The following PLK4 variants were observed in gnomAD, a reference collection of about 807,000 sequenced individuals.
The protein encoded by PLK4 is serine/threonine-protein kinase PLK4.
A neutral mutation model predicts 103.0 loss-of-function variants in PLK4; 51 were observed. That is an observed-to-expected ratio of 0.50 (90% confidence interval 0.40 to 0.63). The LOEUF (loss-of-function observed/expected upper bound fraction) is 0.63. Among genes scored for constraint, PLK4 ranks in the 20% least tolerant of loss-of-function variants. The probability of loss-of-function intolerance (pLI) is 0.00; values close to 1 mark genes in which losing one functional copy is unlikely to be tolerated. For synonymous variants in PLK4, 389 were observed against 376.8 expected (o/e 1.03, Z -0.38); for missense variants, 1,054 against 1,151.0 (o/e 0.92, Z 1.22).
At position 127,880,924 on chromosome 4, in the gene PLK4, G is replaced by A. The variant is rs867443936; in HGVS notation, c.-211G>A. 1 of 593,242 alleles carries A rather than the reference G, an allele frequency of 1.7e-6. No homozygotes were observed. Among genetic ancestry groups the A allele is most frequent in the Non-Finnish European group, 3.0e-6 (1 of 334,400 alleles). 36.7% of individuals were successfully genotyped at this position (593,242 alleles called of 1,614,324 possible). ...AGCCTAGCTCGGACGGCAAGCGGCG[G>A]GAGATTTTCAAAATGGGAGCCCAGA... On this transcript the variant is annotated 5_prime_UTR_variant, in exon 1 of 16. Transcript: ENST00000270861.
intron 6 of PLK4, 109 bp from the exon 7 acceptor site, chr4:127,889,757 C>G (rs1284590227): frequency 3.9e-6 from 3 of 772,614 alleles, no homozygotes; most frequent in South Asian, 4.4e-5. Context: ...TTTTTTGTAA[C>G]TAGAATTCTT....
At chr4:127,891,405 T>C (rs1392483145) in intron 8 of PLK4, among the ~76,000 whole-genome samples, 174 bp from the exon 9 acceptor site, 2 of 151,894 alleles carry the variant, frequency 1.3e-5, no homozygotes, top group Non-Finnish European at 2.9e-5. Flanking sequence ...AGTAAGAAAA[T>C]CTAAACTTTT....
At position 127,885,754 on chromosome 4, in the gene PLK4, T is replaced by C. The variant is rs1735098159; in HGVS notation, c.384T>C (p.His128=). 1.1e-5 allele frequency: 17 copies of C among 1,613,296 alleles called. No homozygotes were observed. Among genetic ancestry groups the C allele is most frequent in the Non-Finnish European group, 1.4e-5 (16 of 1,179,430 alleles). ...HQIITGMLYL[H]SHGILHRDLT... ...TCATCACAGGGATGTTGTATCTTCA[T>C]TCTCATGGTATACTACACCGGGACC... Residue 128 remains histidine, a synonymous_variant, in exon 5 of 16, where the codon CAT becomes CAC. Coordinates refer to ENST00000270861, the MANE Select transcript of PLK4 (RefSeq NM_014264.5).
At chr4:127,895,699 G>A (rs896369663) in intron 14 of PLK4, among the ~76,000 whole-genome samples, 37 of 151,934 alleles carry the variant, frequency 2.4e-4, no homozygotes, top group African/African-American at 8.5e-4. Context: ...GAGATTACAG[G>A]CGTGAGCCAC....
Position 127,886,336 on chromosome 4 carries a change from G to T in PLK4, c.966G>T (p.Met322Ile). The change falls in exon 5 of 16, where the codon ATG (methionine) becomes ATT (isoleucine). Residue 322 changes from methionine (M) to isoleucine (I), a missense_variant. Met to Ile is a conservative substitution (Grantham distance 10, BLOSUM62 1). Transcript: ENST00000270861. ...LLIGQPLPNK[M>I]TVFPKNKSST... is the part of the protein sequence containing the mutation. ...TTGGTCAGCCACTCCCAAATAAAATGACTGTATTTCCAAAGAATAAAAGTT... is the reference window on the plus strand; with the variant it reads ...TTGGTCAGCCACTCCCAAATAAAATTACTGTATTTCCAAAGAATAAAAGTT... The T allele has an allele frequency of 6.2e-7, 1 of 1,613,636 alleles. No individual in the cohort carries two copies. Among genetic ancestry groups the T allele is most frequent in the South Asian group, 1.1e-5 (1 of 90,948 alleles).
Position 127,886,090 on chromosome 4 carries a change from C to T in PLK4, c.720C>T (p.Asp240=), listed in dbSNP as rs772322389. Reference sequence around the variant, plus strand: ...CTTTTTTGTCAATAGAGGCCAAGGACCTTATTCACCAGTTACTTCGTAGAA... The same window carrying T: ...CTTTTTTGTCAATAGAGGCCAAGGATCTTATTCACCAGTTACTTCGTAGAA... The part of the protein sequence containing the change: ...MPSFLSIEAK[D]LIHQLLRRNP... The change falls in exon 5 of 16, where the codon GAC becomes GAT. Residue 240 remains aspartate (D), a synonymous_variant. Coordinates refer to ENST00000270861, the MANE Select transcript of PLK4 (RefSeq NM_014264.5). 3 of 1,614,048 alleles carry T rather than the reference C, an allele frequency of 1.9e-6. No homozygotes were observed. Among genetic ancestry groups the T allele is most frequent in the South Asian group, 1.1e-5 (1 of 91,088 alleles).
chr4:127,889,603 A>G (rs1735271797), intron 6 of PLK4, among the ~76,000 whole-genome samples: 1 of 152,210 alleles, frequency 6.6e-6, no homozygotes, highest in African/African-American at 2.4e-5. Flanking sequence ...CCTTAATTGA[A>G]AAATTAATTT....
intron 6 of PLK4, among the ~76,000 whole-genome samples, chr4:127,888,242 G>C (rs1317279505): frequency 8.1e-6 from 1 of 123,268 alleles, no homozygotes; most frequent in African/African-American, 3.0e-5. Flanking sequence ...ATAAAGCTCT[G>C]TTACAATATT....
chr4:127,892,836 A>G (rs1251499419), intron 10 of PLK4: 1 of 211,074 alleles, frequency 4.7e-6, no homozygotes, highest in Non-Finnish European at 9.3e-6. Flanking sequence ...TTAAATGGAC[A>G]TATACCAAAT....
intron 4 of PLK4, 76 bp from the exon 5 acceptor site, chr4:127,885,632 A>C: frequency 2.7e-6 from 3 of 1,131,366 alleles, no homozygotes; most frequent in South Asian, 3.0e-5. Context: ...TGGGTTTCAT[A>C]ATGTATACTA....
chr4:127,886,552 T>TACAATGGA lies in PLK4; in HGVS notation c.1185_1192dup (p.Arg398GlnfsTer91). 6.2e-7 allele frequency: 1 copy of TACAATGGA among 1,614,010 alleles called. No homozygotes were observed. The highest frequency in any genetic ancestry group is 8.5e-7 in the Non-Finnish European group (1 of 1,179,966). The stretch of plus-strand genomic sequence containing the variant: ...ATAGTCAGTCTCAAGCAAAAACATA[T>TACAATGGA]ACAATGGAACGATGTCACTCAGCAG... On this transcript the variant is annotated frameshift_variant, in exon 5 of 16. Transcript: ENST00000270861. LOFTEE classifies it high-confidence loss of function.
At chr4:127,891,290 T>A (rs1735349065) in intron 8 of PLK4, 94 bp downstream of exon 8, 4 of 629,734 alleles carry the variant, frequency 6.4e-6, no homozygotes, top group South Asian at 5.9e-5. Flanking sequence ...TAAGTTTTTT[T>A]AAAATCAGTT....
At position 127,881,882 on chromosome 4, in the gene PLK4, A is replaced by C. The variant is rs1734945125; in HGVS notation, c.82A>C (p.Arg28=). The change falls in exon 2 of 16, where the codon AGA becomes CGA. Residue 28 remains arginine (R), a synonymous_variant. Transcript: ENST00000270861. ...TAAAGGATCATTTGCTGGTGTCTAC[A>C]GAGCTGAGTCCATTCACACTGGTTT... is the stretch of plus-strand genomic sequence containing the variant. ...LGKGSFAGVY[R]AESIHTGLEV... is the part of the protein sequence containing the mutation. 1 of 1,610,240 alleles carries C rather than the reference A, an allele frequency of 6.2e-7. No homozygotes were observed. Among genetic ancestry groups the C allele is most frequent in the African/African-American group, 1.3e-5 (1 of 74,948 alleles).
chr4:127,890,953 C>T, intron 7 of PLK4, 139 bp from the exon 8 acceptor site: 1 of 516,138 alleles, frequency 1.9e-6, no homozygotes, highest in Non-Finnish European at 3.4e-6. Context: ...CTGATCTGGA[C>T]TGTTGTAGTG....
In PLK4 at chr4:127,881,336, C is replaced by T. The variant is rs1032762914; in HGVS notation, c.30+172C>T. 3.4e-6 allele frequency: 5 copies of T among 1,466,652 alleles called. No homozygotes were observed. The African/African-American group carries it at 4.2e-5, about 12-fold the overall frequency. The allele number at this position is 1,466,652 out of a possible 1,614,324, so 90.9% of individuals were successfully genotyped here. On this transcript the variant is annotated intron_variant, in intron 1 of 15. Coordinates refer to ENST00000270861, the MANE Select transcript of PLK4 (RefSeq NM_014264.5). ...TGCTGTTTAGGGGCGGAGCGGCCCGCCCCTCAAGAGACAAGAGTAGGGAAG... is the reference window on the plus strand; with the variant it reads ...TGCTGTTTAGGGGCGGAGCGGCCCGTCCCTCAAGAGACAAGAGTAGGGAAG...
intron 15 of PLK4, among the ~76,000 whole-genome samples, 198 bp downstream of exon 15, chr4:127,897,105 A>G (rs927907600): frequency 6.6e-6 from 1 of 152,208 alleles, no homozygotes; most frequent in Non-Finnish European, 1.5e-5. Context: ...AACTCAGGGC[A>G]ATTGGTATAA....
intron 9 of PLK4, 80 bp from the exon 10 acceptor site, chr4:127,892,285 T>C: frequency 1.1e-6 from 1 of 916,094 alleles, no homozygotes; most frequent in Non-Finnish European, 1.7e-6. Context: ...TGTAACCCTA[T>C]TAGAAATCAC....
At chr4:127,894,880 T>C in intron 13 of PLK4, 73 bp from the exon 14 acceptor site, 5 of 994,058 alleles carry the variant, frequency 5.0e-6, no homozygotes, top group Non-Finnish European at 7.0e-6. Flanking sequence ...AATCTCATAA[T>C]TGTCTGCTTT....
chr4:127,895,814 A>T (rs373977529), intron 14 of PLK4, among the ~76,000 whole-genome samples: 73 of 152,302 alleles, frequency 4.8e-4, no homozygotes, highest in Middle Eastern at 3.4e-3. Context: ...CTATAGTCCC[A>T]GTTACTCAAG....
Sources: allele counts gnomAD v4.1 joint callset (sites outside exome capture counted in the v4.1 genomes callset), GRCh38; gene constraint gnomAD v4.1.1; transcripts MANE v1.5; gene names NCBI Gene and HGNC (gene_info 2026-07-23, HGNC 2026-07-21).